RAB3IL1: variants seen among roughly 807,000 people sequenced by gnomAD.
RAB3IL1 encodes RAB3A interacting protein like 1.
In RAB3IL1, 37 loss-of-function variants were observed where a neutral mutation model predicts 49.2. The ratio of observed to expected loss-of-function variants is 0.75; its 90% CI spans 0.58 to 0.99. The LOEUF (loss-of-function observed/expected upper bound fraction) is 0.99, where lower values mean the gene tolerates loss of function less well. RAB3IL1 is among the 50% of genes least tolerant of loss of function. The pLI, the probability that RAB3IL1 is intolerant of heterozygous loss-of-function variation, is 0.00. For synonymous variants in RAB3IL1, 193 were observed against 213.9 expected (o/e 0.90, Z 0.85); for missense variants, 484 against 513.0 (o/e 0.94, Z 0.55).
chr11:61,905,710 G>C (rs1040181797), intron 5 of RAB3IL1, among the ~76,000 whole-genome samples: 17 of 152,202 alleles, frequency 1.1e-4, no homozygotes, highest in South Asian at 4.1e-4. Flanking sequence ...AGCCAGGATG[G>C]AGTCGAGTGG....
At chr11:61,940,951 T>C in the RAB3IL1 span, among the ~76,000 whole-genome samples, 2 of 151,172 alleles carry the variant, frequency 1.3e-5, no homozygotes, top group African/African-American at 4.9e-5. Context: ...AGCCAGGCAC[T>C]GTGGCACGTG....
At chr11:61,907,732 C>A in intron 2 of RAB3IL1, 72 bp from the exon 3 acceptor site, 1 of 1,364,830 alleles carries the variant, frequency 7.3e-7, no homozygotes. Context: ...CCAGGCCCAC[C>A]GGACCAGGTT....
At chr11:61,941,860 A>G in the RAB3IL1 span, among the ~76,000 whole-genome samples, 1 of 152,190 alleles carries the variant, frequency 6.6e-6, no homozygotes, top group Admixed American at 6.5e-5. Context: ...AAGATTATAC[A>G]TCGTGTCCAT....
rs1250921570 is a variant in RAB3IL1 at position 61,898,601 on chromosome 11, C to A, written c.1067-241G>T. Among the ~76,000 whole-genome samples the A allele has an allele frequency of 1.3e-5, 2 of 152,220 alleles. No individual in the cohort carries two copies. The highest frequency in any genetic ancestry group is 4.8e-5 in the African/African-American group (2 of 41,450). Reference sequence around the variant, plus strand: ...CTGTTTGCACTACACTGACGGCCACCCCCACAGCCCGACGCAGACAAGCAG... The same window carrying A: ...CTGTTTGCACTACACTGACGGCCACACCCACAGCCCGACGCAGACAAGCAG... On this transcript the variant is annotated intron_variant, in intron 9 of 9. Transcript: ENST00000394836. The surrounding 1 kb of genome is among the most constrained non-coding windows in gnomAD (Gnocchi z 5.1).
upstream of RAB3IL1, among the ~76,000 whole-genome samples, chr11:61,924,642 G>C (rs1169129109): frequency 6.6e-6 from 1 of 152,180 alleles, no homozygotes; most frequent in East Asian, 1.9e-4. Context: ...CCTTAAACCT[G>C]GGAGGATTAT....
chr11:61,920,099 A>G, upstream of RAB3IL1: 1 of 1,337,120 alleles, frequency 7.5e-7, no homozygotes, highest in Non-Finnish European at 9.7e-7. Context: ...CACAGGCCTG[A>G]TGGGGCGTAG....
chr11:61,942,079 C>T, the RAB3IL1 span, among the ~76,000 whole-genome samples: 8 of 152,194 alleles, frequency 5.3e-5, no homozygotes, highest in Non-Finnish European at 1.2e-4. Flanking sequence ...GACATGGTGG[C>T]GTGCTCCTGT....
the RAB3IL1 span, chr11:61,945,818 C>CCA: frequency 2.0e-6 from 2 of 985,206 alleles, no homozygotes; most frequent in African/African-American, 1.7e-5. Flanking sequence ...CCTCGCAGCA[C>CCA]AGTGGATCCT....
the RAB3IL1 span, among the ~76,000 whole-genome samples, chr11:61,941,452 G>A: frequency 1.3e-5 from 2 of 152,200 alleles, no homozygotes; most frequent in South Asian, 4.1e-4. Flanking sequence ...ATCTCACAAG[G>A]AAAGAAATAT....
the RAB3IL1 span, among the ~76,000 whole-genome samples, chr11:61,935,753 G>A: frequency 2.0e-5 from 3 of 151,936 alleles, no homozygotes; most frequent in Non-Finnish European, 4.4e-5. Flanking sequence ...GGCCTCAGGT[G>A]ATCCACCTAC....
intron 1 of RAB3IL1, among the ~76,000 whole-genome samples, chr11:61,915,927 A>G (rs1939662162): frequency 6.6e-6 from 1 of 151,012 alleles, no homozygotes; most frequent in Non-Finnish European, 1.5e-5. Flanking sequence ...AGTCCCAGCT[A>G]CTCGGGAAGC....
the RAB3IL1 span, chr11:61,945,655 A>G: frequency 1.5e-6 from 1 of 662,348 alleles, no homozygotes; most frequent in Non-Finnish European, 1.9e-6. Flanking sequence ...GGCCCTGCAC[A>G]GTTGTCTAGG....
chr11:61,917,676 G>A, upstream of RAB3IL1: 2 of 636,440 alleles, frequency 3.1e-6, no homozygotes, highest in Non-Finnish European at 3.9e-6. Context: ...CCGGCCCGCC[G>A]CGCCGGGACA....
upstream of RAB3IL1, chr11:61,917,630 T>A: frequency 1.0e-6 from 1 of 970,134 alleles, no homozygotes. Context: ...GGCCCGGCGC[T>A]GGGATCCGGC....
At chr11:61,910,320 G>C (rs531256508) in intron 1 of RAB3IL1, among the ~76,000 whole-genome samples, 1 of 152,212 alleles carries the variant, frequency 6.6e-6, no homozygotes, top group Non-Finnish European at 1.5e-5. Flanking sequence ...AGGGAAATCT[G>C]ACCCAATTCT....
chr11:61,934,387 CATATATACATATATTTGT>C, the RAB3IL1 span, among the ~76,000 whole-genome samples: 34 of 127,328 alleles, frequency 2.7e-4, no homozygotes, highest in Admixed American at 1.0e-3. Context: ...ATATTGTGTG[CATATATACATATATTTGT>C]ATATATACAT....
intron 7 of RAB3IL1, among the ~76,000 whole-genome samples, chr11:61,904,307 A>G (rs1939063431): frequency 6.6e-6 from 1 of 152,138 alleles, no homozygotes; most frequent in Non-Finnish European, 1.5e-5. Flanking sequence ...TGGTTCAAGA[A>G]AAGAAGGGGA....
the RAB3IL1 span, among the ~76,000 whole-genome samples, chr11:61,944,590 C>T: frequency 1.3e-5 from 2 of 152,098 alleles, no homozygotes; most frequent in African/African-American, 2.4e-5. Context: ...ACGATGCTCC[C>T]GGGCCCCTCC....
chr11:61,942,454 T>TA, the RAB3IL1 span, among the ~76,000 whole-genome samples: 2 of 145,438 alleles, frequency 1.4e-5, no homozygotes, highest in African/African-American at 5.1e-5. Context: ...GAATTATCAA[T>TA]AAAAAAATAA....
Sources: allele counts gnomAD v4.1 joint callset (sites outside exome capture counted in the v4.1 genomes callset), GRCh38; gene constraint gnomAD v4.1.1; non-coding constraint Gnocchi (gnomAD v3.1); transcripts MANE v1.5; gene names NCBI Gene and HGNC (gene_info 2026-07-23, HGNC 2026-07-21).